Variants in NPAS3 observed in about 807,000 individuals in gnomAD.
The protein encoded by NPAS3 is neuronal PAS domain protein 3.
NPAS3 carries 14 observed loss-of-function variants against 73.1 expected under a neutral mutation model. The observed-to-expected ratio is 0.19, with a 90% confidence interval of 0.13 to 0.30. The LOEUF (loss-of-function observed/expected upper bound fraction) is 0.30, where lower values mean the gene tolerates loss of function less well. NPAS3 is among the 10% of genes least tolerant of loss of function. NPAS3 has a pLI of 1.00. For missense variants in NPAS3, 1,096 were observed against 1,250.0 expected (o/e 0.88, Z 1.86); for synonymous variants, 620 against 541.5 (o/e 1.14, Z -2.01).
intron 2 of NPAS3, among the ~76,000 whole-genome samples, chr14:33,151,254 C>A (rs2044433125): frequency 6.6e-6 from 1 of 152,216 alleles, no homozygotes; most frequent in African/African-American, 2.4e-5. Flanking sequence ...AGGAGGCCTT[C>A]TGAGGCCTCG....
At chr14:33,711,150 T>C (rs1346838082) in intron 6 of NPAS3, among the ~76,000 whole-genome samples, 1 of 152,216 alleles carries the variant, frequency 6.6e-6, no homozygotes, top group African/African-American at 2.4e-5. Flanking sequence ...AATAAAACTT[T>C]CCTGATTATC....
intron 1 of NPAS3, among the ~76,000 whole-genome samples, chr14:33,043,227 C>G (rs2040401537): frequency 6.6e-6 from 1 of 152,082 alleles, no homozygotes; most frequent in Non-Finnish European, 1.5e-5. Context: ...GTGGTACAGT[C>G]AAACCTCAAA....
At chr14:33,762,852 A>G (rs1485874250) in intron 7 of NPAS3, among the ~76,000 whole-genome samples, 1 of 152,254 alleles carries the variant, frequency 6.6e-6, no homozygotes, top group Non-Finnish European at 1.5e-5. Flanking sequence ...CTGAATAGAT[A>G]ATAACCTGTG....
intron 4 of NPAS3, among the ~76,000 whole-genome samples, chr14:33,529,083 G>T (rs1326555710): frequency 6.6e-6 from 1 of 152,118 alleles, no homozygotes; most frequent in East Asian, 1.9e-4. Flanking sequence ...TATGACTAAT[G>T]CTTGGGGTAA....
upstream of NPAS3, among the ~76,000 whole-genome samples, chr14:32,935,352 C>T (rs1192218174): frequency 6.6e-6 from 1 of 152,156 alleles, no homozygotes; most frequent in Non-Finnish European, 1.5e-5. Flanking sequence ...TTCTCAATGC[C>T]TCAGCCGGAT....
intron 3 of NPAS3, among the ~76,000 whole-genome samples, chr14:33,325,393 A>G (rs1024089199): frequency 4.6e-5 from 7 of 152,204 alleles, no homozygotes; most frequent in South Asian, 2.1e-4. Context: ...TGTAATCCCA[A>G]TCAATACTTT....
At chr14:33,294,006 G>A (rs1478029870) in intron 3 of NPAS3, among the ~76,000 whole-genome samples, 3 of 152,112 alleles carry the variant, frequency 2.0e-5, no homozygotes, top group African/African-American at 7.2e-5. Context: ...ATATGTAAGA[G>A]GAAGTGCACA....
At chr14:33,229,781 G>A (rs1234644833) in intron 3 of NPAS3, among the ~76,000 whole-genome samples, 1 of 152,152 alleles carries the variant, frequency 6.6e-6, no homozygotes, top group Non-Finnish European at 1.5e-5. Context: ...TTTTGTCAAC[G>A]ACTCTAATAA....
intron 1 of NPAS3, among the ~76,000 whole-genome samples, chr14:33,009,393 C>A (rs1339823042): frequency 6.6e-6 from 1 of 151,962 alleles, no homozygotes; most frequent in Non-Finnish European, 1.5e-5. Flanking sequence ...GGCCTCAATG[C>A]AAAGTTTGGA....
rs369750509 is a variant in NPAS3 at position 33,057,968 on chromosome 14, C to T, written c.140+1974C>T. 1.4e-3 allele frequency among the ~76,000 whole-genome samples: 218 copies of T among 152,126 alleles called. 2 individuals carry two copies. The highest frequency in any genetic ancestry group is 6.8e-3 in the Middle Eastern group (2 of 294). On this transcript the variant is annotated intron_variant, in intron 2 of 11. Transcript: ENST00000356141. ...ACTGAAGAGAAAAGGCCGGGTATTC[C>T]GATTTTATCTTCCTATTTTCTCCAA...
At chr14:33,334,261 A>T (rs8019893) in intron 3 of NPAS3, among the ~76,000 whole-genome samples, 3 of 152,088 alleles carry the variant, frequency 2.0e-5, no homozygotes, top group African/African-American at 7.3e-5. Context: ...TTCACTGATT[A>T]TAAGTGTATG....
intron 1 of NPAS3, among the ~76,000 whole-genome samples, chr14:33,038,439 C>A (rs1168354786): frequency 6.6e-6 from 1 of 151,924 alleles, no homozygotes; most frequent in Non-Finnish European, 1.5e-5. Flanking sequence ...AACAAAAAAA[C>A]AAATATTTCT....
At chr14:33,797,580 A>T in exon 11 of NPAS3, 1 of 1,613,782 alleles carries the variant, frequency 6.2e-7, no homozygotes, top group Non-Finnish European at 8.5e-7. Context: ...CAGGTATTAC[A>T]GGTATTATTC....
chr14:33,257,822 A>G (rs930615117), intron 3 of NPAS3, among the ~76,000 whole-genome samples: 1 of 152,178 alleles, frequency 6.6e-6, no homozygotes, highest in Non-Finnish European at 1.5e-5. Flanking sequence ...TTTTCCTATT[A>G]TATTACAAAG....
chr14:33,186,964 C>G (rs2045999513), intron 2 of NPAS3, among the ~76,000 whole-genome samples: 1 of 152,180 alleles, frequency 6.6e-6, no homozygotes, highest in Admixed American at 6.6e-5. Context: ...AATGCTCCCA[C>G]AACAGAGTTA....
intron 5 of NPAS3, among the ~76,000 whole-genome samples, chr14:33,663,022 A>C (rs549192761): frequency 1.1e-4 from 16 of 152,044 alleles, no homozygotes; most frequent in African/African-American, 3.9e-4. Flanking sequence ...TGTCATCTGC[A>C]AACAGACAAT....
chr14:33,516,750 G>A (rs952056809), intron 4 of NPAS3, among the ~76,000 whole-genome samples: 3 of 152,066 alleles, frequency 2.0e-5, no homozygotes, highest in African/African-American at 4.8e-5. Flanking sequence ...TAAAAATTGC[G>A]ATGGTGGTCG....
At chr14:33,688,010 G>A (rs559228271) in intron 6 of NPAS3, among the ~76,000 whole-genome samples, 2 of 152,324 alleles carry the variant, frequency 1.3e-5, no homozygotes, top group Non-Finnish European at 2.9e-5. Flanking sequence ...ATGCACAGCT[G>A]ATGTAAAGTC....
At chr14:32,980,792 G>T (rs1242771505) in intron 1 of NPAS3, among the ~76,000 whole-genome samples, 2 of 152,142 alleles carry the variant, frequency 1.3e-5, no homozygotes, top group Non-Finnish European at 2.9e-5. Context: ...TTCTATAACT[G>T]CCATGAATTT....
Sources: allele counts gnomAD v4.1 joint callset (sites outside exome capture counted in the v4.1 genomes callset), GRCh38; gene constraint gnomAD v4.1.1; transcripts MANE v1.5; gene names NCBI Gene and HGNC (gene_info 2026-07-23, HGNC 2026-07-21).